Variants in C8orf34 observed in about 807,000 individuals in gnomAD.
C8orf34 encodes the protein chromosome 8 open reading frame 34.
A neutral mutation model predicts 68.3 loss-of-function variants in C8orf34; 65 were observed. The observed-to-expected ratio is 0.95, with a 90% CI of 0.78 to 1.17. C8orf34 has a LOEUF of 1.17. Ranked by LOEUF, C8orf34 falls within the 50% of genes most tolerant of loss-of-function variation. C8orf34 has a pLI of 0.00. For synonymous variants in C8orf34, 244 were observed against 241.2 expected (o/e 1.01, Z -0.11); for missense variants, 664 against 655.4 (o/e 1.01, Z -0.14).
chr8:68,367,384 C>A (rs1261150290), intron 1 of C8orf34, among the ~76,000 whole-genome samples: 5 of 36,472 alleles, frequency 1.4e-4, no homozygotes, highest in African/African-American at 3.5e-4. Flanking sequence ...TTTGACCCAG[C>A]CATCCCATTA....
intron 10 of C8orf34, among the ~76,000 whole-genome samples, chr8:68,772,167 A>G (rs1823358639): frequency 6.6e-6 from 1 of 152,190 alleles, no homozygotes; most frequent in Admixed American, 6.5e-5. Context: ...GAGAAGAAAA[A>G]TTATTCTGGT....
intron 3 of C8orf34, among the ~76,000 whole-genome samples, chr8:68,465,182 CA>C (rs1450744258): frequency 6.6e-6 from 1 of 151,962 alleles, no homozygotes; most frequent in African/African-American, 2.4e-5. Flanking sequence ...ATTATGCAGC[CA>C]AAAAACACAT....
At chr8:68,745,440 A>C (rs1822456594) in intron 10 of C8orf34, among the ~76,000 whole-genome samples, 1 of 152,240 alleles carries the variant, frequency 6.6e-6, no homozygotes, top group African/African-American at 2.4e-5. Flanking sequence ...ACACACTGGC[A>C]AATTGGATAA....
At chr8:68,366,533 C>A (rs1416285991) in intron 1 of C8orf34, among the ~76,000 whole-genome samples, 1 of 151,002 alleles carries the variant, frequency 6.6e-6, no homozygotes, top group African/African-American at 2.4e-5. Context: ...CAGCATGGTA[C>A]TGGTACCAAA....
chr8:68,512,949 C>T (rs968448191), intron 5 of C8orf34, among the ~76,000 whole-genome samples: 5 of 152,126 alleles, frequency 3.3e-5, no homozygotes, highest in Admixed American at 3.3e-4. Context: ...CTAAGTGCAG[C>T]CAAGGTTTGA....
intron 3 of C8orf34, among the ~76,000 whole-genome samples, chr8:68,456,394 C>A (rs1811555019): frequency 6.6e-6 from 1 of 152,090 alleles, no homozygotes; most frequent in Non-Finnish European, 1.5e-5. Flanking sequence ...ATCTTCAGTG[C>A]AGAGTGTTTT....
intron 1 of C8orf34, among the ~76,000 whole-genome samples, chr8:68,382,214 G>A (rs1808072868): frequency 2.0e-5 from 3 of 152,112 alleles, no homozygotes; most frequent in South Asian, 2.1e-4. Context: ...TTACTTCCTA[G>A]TAATTCTTGT....
intron 7 of C8orf34, among the ~76,000 whole-genome samples, chr8:68,580,953 C>T (rs1309513712): frequency 2.0e-4 from 31 of 151,926 alleles, no homozygotes; most frequent in Non-Finnish European, 8.8e-5. Flanking sequence ...TGGAAAATCC[C>T]CTAGCTATTT....
intron 2 of C8orf34, among the ~76,000 whole-genome samples, chr8:68,440,809 A>ATTTTTTT (rs11454498): frequency 6.8e-6 from 1 of 146,526 alleles, no homozygotes; most frequent in African/African-American, 2.5e-5. Context: ...TAAACTCTGC[A>ATTTTTTT]TTTTTTTTTT....
chr8:68,396,157 TC>T (rs1020952518), intron 1 of C8orf34, among the ~76,000 whole-genome samples: 77 of 152,154 alleles, frequency 5.1e-4, no homozygotes, highest in African/African-American at 1.7e-3. Context: ...TGACCCCACC[TC>T]CAAACAATAG....
intron 7 of C8orf34, among the ~76,000 whole-genome samples, chr8:68,585,903 A>T (rs568332324): frequency 6.6e-6 from 1 of 152,260 alleles, no homozygotes; most frequent in South Asian, 2.1e-4. Flanking sequence ...CCTCAGAAGT[A>T]ACATACCATC....
chr8:68,694,250 C>T lies in C8orf34; in HGVS notation c.1242-14744C>T, dbSNP rs564175989. Among the ~76,000 whole-genome samples the T allele has an allele frequency of 4.6e-5, 7 of 151,778 alleles. No individual in the cohort carries two copies. In the East Asian group the frequency reaches 1.4e-3, roughly 29 times the overall value. On this transcript the variant is annotated intron_variant, in intron 8 of 13. Coordinates refer to ENST00000518698, the MANE Select transcript of C8orf34 (RefSeq NM_052958.4). Reference sequence around the variant, plus strand: ...TTAAGTGCATCTGGCTTCCCTATGCCCCCCTTGGGAATATTTTTTAAAAAG... The same window carrying T: ...TTAAGTGCATCTGGCTTCCCTATGCTCCCCTTGGGAATATTTTTTAAAAAG...
intron 12 of C8orf34, among the ~76,000 whole-genome samples, chr8:68,799,397 C>G (rs1380376676): frequency 1.3e-5 from 2 of 152,128 alleles, no homozygotes; most frequent in African/African-American, 2.4e-5. Flanking sequence ...CAAGCAAAGC[C>G]TATTGTTTTT....
chr8:68,758,675 T>C (rs1021392741), intron 10 of C8orf34, among the ~76,000 whole-genome samples: 4 of 152,066 alleles, frequency 2.6e-5, no homozygotes, highest in Non-Finnish European at 4.4e-5. Flanking sequence ...CGTGGGAACC[T>C]GGGGGCTTTG....
At chr8:68,604,422 A>G (rs1423240649) in intron 7 of C8orf34, among the ~76,000 whole-genome samples, 1 of 143,246 alleles carries the variant, frequency 7.0e-6, no homozygotes, top group Non-Finnish European at 1.5e-5. Context: ...ATAGACAGCA[A>G]ATCATTCTGT....
At chr8:68,421,719 C>T (rs958814251) in intron 1 of C8orf34, among the ~76,000 whole-genome samples, 2 of 152,172 alleles carry the variant, frequency 1.3e-5, no homozygotes, top group Non-Finnish European at 2.9e-5. Flanking sequence ...AGTCATCTGT[C>T]TGCAGTGGCA....
intron 7 of C8orf34, among the ~76,000 whole-genome samples, chr8:68,601,898 A>G (rs965706507): frequency 3.3e-5 from 5 of 152,176 alleles, no homozygotes; most frequent in Admixed American, 1.3e-4. Flanking sequence ...TAGGAATAGC[A>G]CATGATCCAG....
At chr8:68,422,002 C>T (rs1409782938) in intron 1 of C8orf34, among the ~76,000 whole-genome samples, 1 of 152,138 alleles carries the variant, frequency 6.6e-6, no homozygotes, top group Non-Finnish European at 1.5e-5. Context: ...CAGGAAACCA[C>T]CCCCATGACC....
At chr8:68,766,034 C>G (rs1249364400) in intron 10 of C8orf34, among the ~76,000 whole-genome samples, 3 of 152,048 alleles carry the variant, frequency 2.0e-5, no homozygotes, top group African/African-American at 7.2e-5. Context: ...AAATTAGAGA[C>G]ACATCTTAAA....
Sources: allele counts gnomAD v4.1 joint callset (sites outside exome capture counted in the v4.1 genomes callset), GRCh38; gene constraint gnomAD v4.1.1; transcripts MANE v1.5; gene names NCBI Gene and HGNC (gene_info 2026-07-23, HGNC 2026-07-21).